Variants in ABCA12 observed in about 807,000 individuals in gnomAD.
The protein encoded by ABCA12 is glucosylceramide transporter ABCA12.
Under a neutral mutation model 293.5 loss-of-function variants are expected in ABCA12, and 156 were observed. The observed-to-expected ratio is 0.53, with a 90% CI of 0.47 to 0.61. The LOEUF (loss-of-function observed/expected upper bound fraction) is 0.61. Ranked by LOEUF, ABCA12 falls within the 20% of genes least tolerant of loss-of-function variation. The probability of loss-of-function intolerance (pLI) is 0.00; values close to 1 mark genes in which losing one functional copy is unlikely to be tolerated. For synonymous variants in ABCA12, 1,063 were observed against 1,108.0 expected, an observed-to-expected ratio of 0.96 and a Z score of 0.81; for missense variants, 2,797 against 3,090.2, an observed-to-expected ratio of 0.91 and a Z score of 2.25.
At chr2:215,000,414 G>C (rs773372295) in intron 22 of ABCA12, among the ~76,000 whole-genome samples, 6 of 152,150 alleles carry the variant, frequency 3.9e-5, no homozygotes, top group Non-Finnish European at 7.3e-5. Context: ...TCAAAATCAT[G>C]CAGCAATGTA....
intron 7 of ABCA12, among the ~76,000 whole-genome samples, chr2:215,039,522 A>G (rs1206707374): frequency 6.6e-6 from 1 of 152,166 alleles, no homozygotes; most frequent in Non-Finnish European, 1.5e-5. Flanking sequence ...TTGGGAGGCC[A>G]AGGCGGATGG....
intron 28 of ABCA12, among the ~76,000 whole-genome samples, chr2:214,986,198 TAC>T (rs1304451528): frequency 6.6e-6 from 1 of 152,166 alleles, no homozygotes; most frequent in Non-Finnish European, 1.5e-5. Context: ...AGAAAACAGA[TAC>T]TCCCTTTAAG....
intron 8 of ABCA12, among the ~76,000 whole-genome samples, chr2:215,036,470 G>A (rs1700992826): frequency 6.6e-6 from 1 of 152,100 alleles, no homozygotes; most frequent in African/African-American, 2.4e-5. Context: ...GTGTCTGTGT[G>A]TATGTAGCTG....
At chr2:214,994,989 GTA>G (rs1284933601) in intron 23 of ABCA12, among the ~76,000 whole-genome samples, 1 of 152,120 alleles carries the variant, frequency 6.6e-6, no homozygotes, top group Non-Finnish European at 1.5e-5. Context: ...ATACTCTTCT[GTA>G]TATGTTATAA....
rs947577132 is a variant in ABCA12, at chr2:214,990,550, A to C, written c.3624+152T>G. The C allele has an allele frequency of 3.9e-5, 29 of 750,552 alleles. No individual in the cohort carries two copies. The African/African-American group carries it at 5.1e-4, about 13-fold the overall frequency. 46.5% of individuals were successfully genotyped at this position (750,552 alleles called of 1,614,324 possible). A position where few individuals can be genotyped will look rare whatever the true frequency, so the allele number is the denominator to read the frequency against. On this transcript the variant is annotated intron_variant, in intron 24 of 52. Transcript: ENST00000272895. ...GTCTTGTATGGTATACAGTGATGTAAGAAAAGCTATCATTAGGACATTAAG... is the reference window on the plus strand; with the variant it reads ...GTCTTGTATGGTATACAGTGATGTACGAAAAGCTATCATTAGGACATTAAG...
At chr2:214,986,145 G>T (rs972987547) in intron 28 of ABCA12, among the ~76,000 whole-genome samples, 3 of 152,114 alleles carry the variant, frequency 2.0e-5, no homozygotes, top group Non-Finnish European at 4.4e-5. Flanking sequence ...AAACAGGGTG[G>T]GTGTATGAAG....
At chr2:215,028,646 ATAAAC>A (rs1214501673) in intron 9 of ABCA12, among the ~76,000 whole-genome samples, 1 of 152,202 alleles carries the variant, frequency 6.6e-6, no homozygotes, top group Non-Finnish European at 1.5e-5. Context: ...CCTAAATAAA[ATAAAC>A]TATCTATTAG....
intron 14 of ABCA12, among the ~76,000 whole-genome samples, chr2:215,017,156 C>T (rs2106010097): frequency 6.6e-6 from 1 of 152,206 alleles, no homozygotes; most frequent in South Asian, 2.1e-4. Flanking sequence ...TAAGGGGAAC[C>T]TTAAAGGCTT....
rs1699900492 is a variant in ABCA12, at chr2:214,991,011, C to T, written c.3315G>A (p.Val1105=). Residue 1105 remains valine (V), a synonymous_variant, in exon 24 of 53, where the codon GTG becomes GTA. Transcript: ENST00000272895. The stretch of plus-strand genomic sequence containing the variant: ...AGGCAAAGAAATGGCTGCAGGAGTT[C>T]ACACCCATCATCTTCATGTACTGTA... ...RLHEYMKMMG[V]NSCSHFFAWL... The T allele has an allele frequency of 6.2e-7, 1 of 1,613,802 alleles. No homozygotes were observed. The highest frequency in any genetic ancestry group is 1.3e-5 in the African/African-American group (1 of 74,920).
At chr2:215,028,615 T>G (rs888520983) in intron 9 of ABCA12, among the ~76,000 whole-genome samples, 2 of 152,208 alleles carry the variant, frequency 1.3e-5, no homozygotes, top group Admixed American at 1.3e-4. Flanking sequence ...GGAGAGTGTA[T>G]TCTTAGAGTA....
chr2:215,123,542 T>A (rs1048437240), intron 1 of ABCA12, among the ~76,000 whole-genome samples: 6 of 152,154 alleles, frequency 3.9e-5, no homozygotes, highest in Non-Finnish European at 8.8e-5. Context: ...CTATTGTAAG[T>A]AGTGCTGCAA....
intron 6 of ABCA12, among the ~76,000 whole-genome samples, chr2:215,046,896 A>G (rs992300450): frequency 6.6e-6 from 1 of 152,196 alleles, no homozygotes; most frequent in Non-Finnish European, 1.5e-5. Flanking sequence ...GCAGTCAGAA[A>G]AAAAGGAATG....
In ABCA12 at chr2:214,947,313, G is replaced by A. The variant is rs1229495472; in HGVS notation, c.7239+109C>T. The A allele has an allele frequency of 5.4e-6, 8 of 1,490,680 alleles. No homozygotes were observed. The South Asian group carries it at 6.8e-5, about 13-fold the overall frequency. The allele number at this position is 1,490,680 out of a possible 1,614,324, so 92.3% of individuals were successfully genotyped here. The stretch of plus-strand genomic sequence containing the variant: ...CTTTGCACAATAGCTAGCACATAGT[G>A]AGACCTCAATAAATGTTGACTGCAA... On this transcript the variant is annotated intron_variant, in intron 48 of 52. Coordinates refer to ENST00000272895, the MANE Select transcript of ABCA12 (RefSeq NM_173076.3).
chr2:215,030,745 T>C (rs944800905), intron 9 of ABCA12, among the ~76,000 whole-genome samples: 1 of 152,028 alleles, frequency 6.6e-6, no homozygotes, highest in Non-Finnish European at 1.5e-5. Flanking sequence ...AAAGAGGAGG[T>C]AGTTGTTTAT....
At chr2:215,045,693 A>G (rs1701187969) in intron 7 of ABCA12, 144 bp downstream of exon 7, 1 of 752,944 alleles carries the variant, frequency 1.3e-6, no homozygotes. Context: ...ACTCACCTTC[A>G]CTGCTAAAAT....
At chr2:215,009,405 T>A (rs910674601) in intron 18 of ABCA12, among the ~76,000 whole-genome samples, 1 of 152,084 alleles carries the variant, frequency 6.6e-6, no homozygotes, top group Non-Finnish European at 1.5e-5. Context: ...CAAACCCCCA[T>A]GACAGAAGTG....
chr2:215,055,408 T>C (rs1231734561), intron 3 of ABCA12, among the ~76,000 whole-genome samples: 1 of 152,000 alleles, frequency 6.6e-6, no homozygotes, highest in Non-Finnish European at 1.5e-5. Flanking sequence ...GTTATTAAAA[T>C]GGAGATGATC....
In ABCA12 at chr2:215,018,148, T is replaced by C. The variant is rs201567584; in HGVS notation, c.1658-16A>G. 7 of 1,608,820 alleles carry C rather than the reference T, an allele frequency of 4.4e-6. No homozygotes were observed. Among genetic ancestry groups the C allele is most frequent in the East Asian group, 2.2e-5 (1 of 44,822 alleles). On this transcript the variant is annotated splice_polypyrimidine_tract_variant and intron_variant, in intron 13 of 52. Coordinates refer to ENST00000272895, the MANE Select transcript of ABCA12 (RefSeq NM_173076.3). ...AGTAACTGACCTGCAAGAAGAAAAA[T>C]GTAAAAAGAAAACCCATGTTGGTTT... is the stretch of plus-strand genomic sequence containing the variant.
intron 51 of ABCA12, among the ~76,000 whole-genome samples, chr2:214,934,431 A>C (rs1337647194): frequency 6.6e-6 from 1 of 152,218 alleles, no homozygotes; most frequent in Non-Finnish European, 1.5e-5. Flanking sequence ...TTAAAAGTTC[A>C]TGAAAACTCC....
Sources: gnomAD v4.1 joint callset for allele counts (sites outside exome capture counted in the v4.1 genomes callset) on GRCh38, gnomAD v4.1.1 for gene constraint, MANE v1.5 for transcripts, NCBI Gene and HGNC (gene_info 2026-07-23, HGNC 2026-07-21) for gene names.